The following HS3ST4 variants were observed in gnomAD, a reference collection of about 807,000 sequenced individuals.
HS3ST4 encodes heparan sulfate-glucosamine 3-sulfotransferase 4, also known as heparan sulfate glucosamine 3-O-sulfotransferase 4.
A neutral mutation model predicts 29.2 loss-of-function variants in HS3ST4; 17 were observed. The observed-to-expected ratio is 0.58, with a 90% CI of 0.40 to 0.87. HS3ST4 has a LOEUF of 0.87. HS3ST4 is among the 40% of genes least tolerant of loss of function. The probability of loss-of-function intolerance (pLI) is 0.00; values close to 1 mark genes in which losing one functional copy is unlikely to be tolerated. For missense variants in HS3ST4, 627 were observed against 634.5 expected (o/e 0.99, Z 0.13); for synonymous variants, 314 against 285.7 (o/e 1.10, Z -1.00).
chr16:25,940,146 C>T (rs1306934486), intron 1 of HS3ST4, among the ~76,000 whole-genome samples: 5 of 152,136 alleles, frequency 3.3e-5, no homozygotes, highest in Admixed American at 1.3e-4. Flanking sequence ...AAATTGCCAT[C>T]AGAGCCTGAA....
intron 1 of HS3ST4, among the ~76,000 whole-genome samples, chr16:25,840,616 T>C (rs1246309725): frequency 6.6e-6 from 1 of 152,188 alleles, no homozygotes; most frequent in Non-Finnish European, 1.5e-5. Context: ...TTTTTTTCCA[T>C]AAAGGGCATT....
intron 1 of HS3ST4, among the ~76,000 whole-genome samples, chr16:25,700,471 C>T (rs971483175): frequency 1.4e-4 from 22 of 152,150 alleles, no homozygotes; most frequent in African/African-American, 3.6e-4. Flanking sequence ...CTGCTTTCAC[C>T]GGTGTTCTCT....
chr16:26,073,653 G>A lies in HS3ST4; in HGVS notation c.735-61959G>A, dbSNP rs572111333. Among the ~76,000 whole-genome samples, 8 of 151,384 alleles carry A rather than the reference G, an allele frequency of 5.3e-5. No individual in the cohort carries two copies. The East Asian group carries it at 9.7e-4, about 18-fold the overall frequency. ...CTCCCAAAGTGTTGGGATTATAGGC[G>A]TGAGCCACCGGTCCTGGTCAGAACT... On this transcript the variant is annotated intron_variant, in intron 1 of 1. Transcript: ENST00000331351.
At chr16:26,098,128 T>C (rs920116946) in intron 1 of HS3ST4, among the ~76,000 whole-genome samples, 1 of 152,202 alleles carries the variant, frequency 6.6e-6, no homozygotes, top group African/African-American at 2.4e-5. Context: ...GCTTTTACAC[T>C]GTTGGTGGGA....
chr16:25,916,629 T>TG lies in HS3ST4; in HGVS notation c.735-218980dup, dbSNP rs1296353233. On this transcript the variant is annotated intron_variant, in intron 1 of 1. Coordinates refer to ENST00000331351, the MANE Select transcript of HS3ST4 (RefSeq NM_006040.3). ...CGCCCGCCTTGGGCTCCCAAAGTGT[T>TG]GGGATTATGGGCATGAGCCACCGTG... Among the ~76,000 whole-genome samples the TG allele has an allele frequency of 4.0e-5, 6 of 151,744 alleles. No individual in the cohort carries two copies. The East Asian group carries it at 1.2e-3, about 29-fold the overall frequency.
At chr16:25,744,553 T>TGTC (rs1966673853) in intron 1 of HS3ST4, among the ~76,000 whole-genome samples, 1 of 151,346 alleles carries the variant, frequency 6.6e-6, no homozygotes, top group Non-Finnish European at 1.5e-5. Context: ...GTCATTTTTC[T>TGTC]ATCATCATCA....
At chr16:26,023,218 G>A (rs1969432523) in intron 1 of HS3ST4, among the ~76,000 whole-genome samples, 3 of 151,610 alleles carry the variant, frequency 2.0e-5, no homozygotes, top group Non-Finnish European at 2.9e-5. Flanking sequence ...TGCACCATTT[G>A]TACCACTTAC....
At chr16:26,038,332 T>G (rs749827951) in intron 1 of HS3ST4, among the ~76,000 whole-genome samples, 2 of 151,770 alleles carry the variant, frequency 1.3e-5, no homozygotes, top group Non-Finnish European at 2.9e-5. Flanking sequence ...CCTACATTAT[T>G]GTCCCCAATA....
At chr16:26,085,621 A>G (rs905440219) in intron 1 of HS3ST4, among the ~76,000 whole-genome samples, 1 of 152,290 alleles carries the variant, frequency 6.6e-6, no homozygotes, top group Admixed American at 6.5e-5. Context: ...CTATAATCCC[A>G]ATGTTTTGGG....
At chr16:25,778,829 C>T (rs1010503847) in intron 1 of HS3ST4, among the ~76,000 whole-genome samples, 3 of 152,170 alleles carry the variant, frequency 2.0e-5, no homozygotes, top group African/African-American at 7.2e-5. Context: ...AAGACTGCAA[C>T]ATAGAAACCC....
At chr16:25,862,828 C>G (rs888768527) in intron 1 of HS3ST4, among the ~76,000 whole-genome samples, 23 of 152,196 alleles carry the variant, frequency 1.5e-4, no homozygotes, top group African/African-American at 5.3e-4. Context: ...TTATTTGTAT[C>G]TTGAACTTCA....
chr16:26,062,202 A>C (rs959592528), intron 1 of HS3ST4, among the ~76,000 whole-genome samples: 2 of 152,300 alleles, frequency 1.3e-5, no homozygotes, highest in Admixed American at 1.3e-4. Flanking sequence ...AATTCAACCC[A>C]ACTTCTTCCA....
At chr16:25,726,526 G>A (rs924717314) in intron 1 of HS3ST4, among the ~76,000 whole-genome samples, 1 of 152,158 alleles carries the variant, frequency 6.6e-6, no homozygotes, top group Non-Finnish European at 1.5e-5. Context: ...CTGGGTTAAA[G>A]GGTGAGCAGT....
chr16:25,946,956 C>T (rs1182703798), intron 1 of HS3ST4, among the ~76,000 whole-genome samples: 1 of 152,116 alleles, frequency 6.6e-6, no homozygotes, highest in Admixed American at 6.6e-5. Flanking sequence ...CCCAATGTCC[C>T]AATGTGGTTG....
chr16:25,969,709 C>A (rs920393097), intron 1 of HS3ST4, among the ~76,000 whole-genome samples: 1 of 152,196 alleles, frequency 6.6e-6, no homozygotes, highest in African/African-American at 2.4e-5. Flanking sequence ...GGCTGGCATA[C>A]TGCAGATGTG....
intron 1 of HS3ST4, among the ~76,000 whole-genome samples, chr16:25,847,841 C>T (rs1313950745): frequency 1.3e-5 from 2 of 152,052 alleles, no homozygotes; most frequent in Admixed American, 6.6e-5. Flanking sequence ...TTGGTTCTGT[C>T]GTTTCATTTG....
chr16:25,863,578 A>G (rs941175343), intron 1 of HS3ST4, among the ~76,000 whole-genome samples: 3 of 152,212 alleles, frequency 2.0e-5, no homozygotes, highest in Admixed American at 6.5e-5. Context: ...AAAGCCTTAT[A>G]GTTTTGACTA....
intron 1 of HS3ST4, among the ~76,000 whole-genome samples, chr16:25,713,892 C>T (rs899579852): frequency 6.6e-6 from 1 of 152,178 alleles, no homozygotes; most frequent in African/African-American, 2.4e-5. Context: ...CTGCCTGTTG[C>T]TTGGATGGCC....
intron 1 of HS3ST4, among the ~76,000 whole-genome samples, chr16:26,102,681 C>G (rs1899003644): frequency 6.6e-6 from 1 of 152,190 alleles, no homozygotes; most frequent in Non-Finnish European, 1.5e-5. Flanking sequence ...ACGTGATTTA[C>G]TTTCTCTGGG....
Sources: gnomAD v4.1 joint callset for allele counts (sites outside exome capture counted in the v4.1 genomes callset) on GRCh38, gnomAD v4.1.1 for gene constraint, MANE v1.5 for transcripts, NCBI Gene and HGNC (gene_info 2026-07-23, HGNC 2026-07-21) for gene names.